SGK3: variants seen among roughly 807,000 people sequenced by gnomAD.
The protein encoded by SGK3 is serum/glucocorticoid regulated kinase family member 3.
SGK3 carries 47 observed loss-of-function variants against 68.5 expected under a neutral mutation model. The ratio of observed to expected loss-of-function variants is 0.69; its 90% confidence interval spans 0.54 to 0.87. The LOEUF (loss-of-function observed/expected upper bound fraction) is 0.87, where lower values mean the gene tolerates loss of function less well. Among genes scored for constraint, SGK3 ranks in the 40% least tolerant of loss-of-function variants. The pLI is 0.00. For missense variants in SGK3, 479 were observed against 575.5 expected (o/e 0.83, Z 1.72); for synonymous variants, 181 against 189.1 (o/e 0.96, Z 0.35).
chr8:66,796,035 A>G (rs1489052831), intron 2 of SGK3, among the ~76,000 whole-genome samples: 1 of 152,162 alleles, frequency 6.6e-6, no homozygotes, highest in Non-Finnish European at 1.5e-5. Flanking sequence ...GCAGTCCTCA[A>G]TCCTCAAGAA....
In SGK3 at chr8:66,843,496, T is replaced by C. The variant is rs767568334; in HGVS notation, c.1023T>C (p.Thr341=). ...EVIRKQPYDN[T]VDWWCLGAVL... ...TTAGAAAACAGCCCTATGACAATACTGTAGATTGGTGGTGCCTTGGGGCTG... is the reference window on the plus strand; with the variant it reads ...TTAGAAAACAGCCCTATGACAATACCGTAGATTGGTGGTGCCTTGGGGCTG... The change falls in exon 14 of 17, where the codon ACT becomes ACC. Residue 341 remains threonine (T), a synonymous_variant. Transcript: ENST00000521198. 1 of 1,614,054 alleles carries C rather than the reference T, an allele frequency of 6.2e-7. No homozygotes were observed. Among genetic ancestry groups the C allele is most frequent in the African/African-American group, 1.3e-5 (1 of 75,068 alleles).
intron 4 of SGK3, among the ~76,000 whole-genome samples, chr8:66,807,841 GAC>G (rs1808226313): frequency 6.6e-6 from 1 of 152,152 alleles, no homozygotes. Context: ...TGTGTATTGT[GAC>G]ACAATTTTTA....
intron 1 of SGK3, among the ~76,000 whole-genome samples, chr8:66,764,753 G>A (rs554768674): frequency 6.6e-6 from 1 of 152,206 alleles, no homozygotes; most frequent in African/African-American, 2.4e-5. Flanking sequence ...ATGGAGCTAA[G>A]TGTCTGTAAC....
intron 10 of SGK3, among the ~76,000 whole-genome samples, chr8:66,837,218 A>T (rs1359446498): frequency 6.6e-6 from 1 of 152,198 alleles, no homozygotes; most frequent in African/African-American, 2.4e-5. Context: ...CTCAACCCTC[A>T]CACCTTTCTA....
chr8:66,857,444 C>CT (rs1319140829), intron 16 of SGK3, among the ~76,000 whole-genome samples: 1 of 152,092 alleles, frequency 6.6e-6, no homozygotes, highest in Non-Finnish European at 1.5e-5. Context: ...CAGGGATGGA[C>CT]TTTAAGAATG....
At chr8:66,808,948 C>T (rs902142470) in intron 4 of SGK3, among the ~76,000 whole-genome samples, 1 of 152,156 alleles carries the variant, frequency 6.6e-6, no homozygotes, top group African/African-American at 2.4e-5. Context: ...CGGCCCACCA[C>T]AACCTCCACC....
At chr8:66,762,235 T>C (rs1264408382) in intron 1 of SGK3, among the ~76,000 whole-genome samples, 1 of 152,136 alleles carries the variant, frequency 6.6e-6, no homozygotes, top group African/African-American at 2.4e-5. Flanking sequence ...TCCCCAAGTG[T>C]TGAGATTACA....
chr8:66,837,087 A>G (rs933037314), intron 10 of SGK3, among the ~76,000 whole-genome samples: 4 of 152,108 alleles, frequency 2.6e-5, no homozygotes, highest in African/African-American at 9.7e-5. Flanking sequence ...CTTCACAACA[A>G]TCTATAGTAA....
intron 1 of SGK3, chr8:66,767,840 A>T: frequency 6.9e-7 from 1 of 1,438,850 alleles, no homozygotes; most frequent in Non-Finnish European, 9.8e-7. Context: ...GCTTTAGGTA[A>T]GGATGTGGGA....
intron 1 of SGK3, among the ~76,000 whole-genome samples, chr8:66,755,652 A>C (rs1188855252): frequency 1.3e-5 from 2 of 152,152 alleles, no homozygotes; most frequent in Non-Finnish European, 2.9e-5. Flanking sequence ...TCCCGTACTC[A>C]TTGAGTGACC....
At chr8:66,766,028 A>C (rs1398831505) in intron 1 of SGK3, among the ~76,000 whole-genome samples, 2 of 152,068 alleles carry the variant, frequency 1.3e-5, no homozygotes, top group African/African-American at 2.4e-5. Flanking sequence ...CCGTCAAAAA[A>C]AAAAAAAAAA....
chr8:66,802,698 G>A (rs567218941), intron 3 of SGK3, among the ~76,000 whole-genome samples: 28 of 151,280 alleles, frequency 1.9e-4, no homozygotes, highest in African/African-American at 6.8e-4. Context: ...AGGGAGAAGG[G>A]GATGGGGAGG....
intron 5 of SGK3, among the ~76,000 whole-genome samples, chr8:66,820,852 C>G (rs927396247): frequency 6.6e-6 from 1 of 152,050 alleles, no homozygotes; most frequent in Non-Finnish European, 1.5e-5. Context: ...GACAGGTGCA[C>G]ACCATCATGC....
intron 1 of SGK3, among the ~76,000 whole-genome samples, chr8:66,760,577 G>C (rs1330831621): frequency 6.6e-6 from 1 of 151,582 alleles, no homozygotes. Flanking sequence ...CTCATGATCC[G>C]TCCGCCTCGG....
At chr8:66,835,386 C>T (rs555449916) in intron 8 of SGK3, among the ~76,000 whole-genome samples, 4 of 152,250 alleles carry the variant, frequency 2.6e-5, no homozygotes, top group Admixed American at 2.6e-4. Context: ...TTTTGATTAC[C>T]TAAAAAACAT....
chr8:66,831,144 A>G (rs1312437690), intron 7 of SGK3, 110 bp from the exon 8 acceptor site: 1 of 1,273,154 alleles, frequency 7.9e-7, no homozygotes, highest in African/African-American at 1.5e-5. Flanking sequence ...AATAGGCTGA[A>G]GTGTTTTGTG....
At chr8:66,852,362 A>AC (rs970057926) in intron 16 of SGK3, among the ~76,000 whole-genome samples, 4 of 146,980 alleles carry the variant, frequency 2.7e-5, no homozygotes, top group African/African-American at 1.0e-4. Flanking sequence ...GCTCACTACA[A>AC]CCTCCGCCTC....
At position 66,840,173 on chromosome 8, in the gene SGK3, G is replaced by A. The variant is rs373640410; in HGVS notation, c.855-38G>A. ...ATATAACAATATTTTATTTCGGTTT[G>A]TATTCAGTTTTGCGTTTCTTTCCTT... is the stretch of plus-strand genomic sequence containing the variant. On this transcript the variant is annotated intron_variant, in intron 11 of 16. Transcript: ENST00000521198. 8.5e-5 allele frequency: 136 copies of A among 1,597,624 alleles called. 1 individual carries two copies. In the East Asian group the frequency reaches 2.2e-3, roughly 26 times the overall value.
chr8:66,781,833 A>G (rs1008119554), intron 1 of SGK3, among the ~76,000 whole-genome samples: 3 of 152,212 alleles, frequency 2.0e-5, no homozygotes, highest in African/African-American at 7.2e-5. Flanking sequence ...CTTTGTGATT[A>G]CAGAATGATG....
Sources: allele counts gnomAD v4.1 joint callset (sites outside exome capture counted in the v4.1 genomes callset), GRCh38; gene constraint gnomAD v4.1.1; transcripts MANE v1.5; gene names NCBI Gene and HGNC (gene_info 2026-07-23, HGNC 2026-07-21).